Variants in PLEKHA6 observed in about 807,000 individuals in gnomAD.
PLEKHA6 encodes pleckstrin homology domain-containing family A member 6.
PLEKHA6 carries 60 observed loss-of-function variants against 116.7 expected under a neutral mutation model. That is an observed-to-expected ratio of 0.51 (90% CI 0.42 to 0.64). The LOEUF is 0.64. Ranked by LOEUF, PLEKHA6 falls within the 30% of genes least tolerant of loss-of-function variation. PLEKHA6 has a pLI of 0.00. For synonymous variants in PLEKHA6, 489 were observed against 556.1 expected (o/e 0.88, Z 1.70); for missense variants, 1,338 against 1,422.7 (o/e 0.94, Z 0.96).
chr1:204,257,532 G>A lies in PLEKHA6; in HGVS notation c.1345C>T (p.Leu449=). The A allele has an allele frequency of 6.3e-7, 1 of 1,594,200 alleles. No individual in the cohort carries two copies. The highest frequency in any genetic ancestry group is 2.3e-5 in the East Asian group (1 of 44,160). The change falls in exon 9 of 23, where the codon CTG becomes TTG. Residue 449 remains leucine, a synonymous_variant. Coordinates refer to ENST00000272203, the MANE Select transcript of PLEKHA6 (RefSeq NM_014935.5). This position sits in a 1 kb window ranked among gnomAD's most constrained non-coding sequence, Gnocchi z 6.5. ...AASSSLRRLS[L]QPRSHSVPRS... The stretch of plus-strand genomic sequence containing the variant: ...GGCACAGAGTGGGAGCGGGGCTGCA[G>A]GGACAGGCGGCGCAGGGAGCTAGAG...
In PLEKHA6 at chr1:204,220,541, T is replaced by C. The variant is rs963723931; in HGVS notation, c.*2247A>G. Reference sequence around the variant, plus strand: ...ATTCAGACATTGCACAATTTGAAAATAGATTTGCTTTTTTTAAACAAAAGC... The same window carrying C: ...ATTCAGACATTGCACAATTTGAAAACAGATTTGCTTTTTTTAAACAAAAGC... On this transcript the variant is annotated 3_prime_UTR_variant, in exon 23 of 23. Transcript: ENST00000272203. The C allele has an allele frequency of 6.6e-6, 1 of 152,514 alleles. No homozygotes were observed. 9.4% of individuals were successfully genotyped at this position (152,514 alleles called of 1,614,324 possible). A position where few individuals can be genotyped will look rare whatever the true frequency, so the allele number is the denominator to read the frequency against.
Position 204,273,662 on chromosome 1 carries a change from C to G in PLEKHA6, c.66G>C (p.Met22Ile). 1 of 1,614,190 alleles carries G rather than the reference C, an allele frequency of 6.2e-7. No homozygotes were observed. The highest frequency in any genetic ancestry group is 1.1e-5 in the South Asian group (1 of 91,082). ...GCCGCTCTGGAGGGACCTCGGACAC[C>G]ATGTTGTGGTTGGGTATGTCACTGT... ...TTNSDIPNHN[M>I]VSEVPPERPS... The change falls in exon 3 of 23, where the codon ATG (methionine) becomes ATC (isoleucine). Residue 22 changes from methionine to isoleucine, a missense_variant. This residue lies in a region of PLEKHA6 where 62 missense variants were observed against 61.7 expected (regional missense o/e 1.01). Coordinates refer to ENST00000272203, the MANE Select transcript of PLEKHA6 (RefSeq NM_014935.5).
At chr1:204,360,899 A>C (rs928940925), upstream of PLEKHA6, among the ~76,000 whole-genome samples, 3 of 152,226 alleles carry the variant, frequency 2.0e-5, no homozygotes, top group Non-Finnish European at 4.4e-5. Flanking sequence ...TTTCTGCCTC[A>C]GTTTCCCTTT....
At chr1:204,325,000 C>T (rs1270977076) in intron 1 of PLEKHA6, among the ~76,000 whole-genome samples, 1 of 152,158 alleles carries the variant, frequency 6.6e-6, no homozygotes, top group Non-Finnish European at 1.5e-5. Context: ...TCACTGCAAG[C>T]TCCACCTCCC....
chr1:204,266,218 G>C (rs963247465), intron 5 of PLEKHA6, among the ~76,000 whole-genome samples: 1 of 152,150 alleles, frequency 6.6e-6, no homozygotes, highest in Non-Finnish European at 1.5e-5. Flanking sequence ...GAGGCACTTG[G>C]GGTTGGACCC....
rs750131411 is a variant in PLEKHA6, at chr1:204,257,661, G to C, written c.1216C>G (p.Leu406Val). 4 of 1,610,246 alleles carry C rather than the reference G, an allele frequency of 2.5e-6. No individual in the cohort carries two copies. In the South Asian group the frequency reaches 4.4e-5, roughly 18 times the overall value. Reference sequence around the variant, plus strand: ...CTGGCGGGCTCCTTCCACTCTCGCAGCTGGTAGGCAGGGCCACCCCCATTG... The same window carrying C: ...CTGGCGGGCTCCTTCCACTCTCGCACCTGGTAGGCAGGGCCACCCCCATTG... ...FRNGGGPAYQ[L>V]REWKEPASYG... is the part of the protein sequence containing the mutation. Residue 406 changes from leucine to valine, a missense_variant, in exon 9 of 23, where the codon CTG (leucine) becomes GTG (valine). Physicochemically the swap from Leu to Val is conservative, Grantham distance 32. This residue lies in a region of PLEKHA6 where 1,136 missense variants were observed against 1,163.6 expected (regional missense o/e 0.98). Transcript: ENST00000272203. The surrounding 1 kb of genome is among the most constrained non-coding windows in gnomAD (Gnocchi z 6.5).
At position 204,230,417 on chromosome 1, in the gene PLEKHA6, T is replaced by A; in HGVS notation, c.2579A>T (p.Lys860Ile). 1 of 1,578,100 alleles carries A rather than the reference T, an allele frequency of 6.3e-7. No individual in the cohort carries two copies. Residue 860 changes from lysine to isoleucine, a missense_variant, in exon 18 of 23, where the codon AAA becomes ATA. Lys to Ile is a moderately radical substitution (Grantham distance 102, BLOSUM62 -3). Around this residue, in one of 3 missense-constraint regions of PLEKHA6, gnomAD observed 1,136 missense variants for 1,163.6 expected, o/e 0.98. Coordinates refer to ENST00000272203, the MANE Select transcript of PLEKHA6 (RefSeq NM_014935.5). ...GGGTAGCTGGGAAGGCATTACCACT[T>A]TGTAGGCTGGCCGGGGACTGGGGTC... ...APDPSPRPAY[K>I]VVRRHRSIHE...
intron 7 of PLEKHA6, among the ~76,000 whole-genome samples, chr1:204,260,743 G>A (rs1348000454): frequency 1.3e-5 from 2 of 152,214 alleles, no homozygotes; most frequent in African/African-American, 2.4e-5. Flanking sequence ...AGAGACAGAC[G>A]CTGAGACCGT....
At chr1:204,291,041 C>CAG (rs36036549) in intron 1 of PLEKHA6, among the ~76,000 whole-genome samples, 129,602 of 150,028 alleles carry the variant, frequency 0.86, 57,878 homozygotes, top group Non-Finnish European at 0.97. Flanking sequence ...AAGCCATAAA[C>CAG]AGAGAAAATA....
At chr1:204,241,633 C>A (rs1662833013) in intron 16 of PLEKHA6, 52 bp downstream of exon 16, 1 of 1,526,400 alleles carries the variant, frequency 6.6e-7, no homozygotes, top group Non-Finnish European at 8.8e-7. Flanking sequence ...ACCCAGGGCT[C>A]CTCCCTGAGC....
intron 1 of PLEKHA6, chr1:204,299,814 T>C (rs1251463529): frequency 5.9e-6 from 1 of 169,518 alleles, no homozygotes; most frequent in Non-Finnish European, 1.2e-5. Flanking sequence ...CTGGAGCAGA[T>C]GTTCTTTGTT....
At position 204,245,723 on chromosome 1, in the gene PLEKHA6, C is replaced by T; in HGVS notation, c.1924G>A (p.Glu642Lys). The change falls in exon 14 of 23, where the codon GAG becomes AAG. Residue 642 changes from glutamate (E) to lysine (K), a missense_variant. By Grantham distance (56) the Glu-to-Lys change is moderately conservative. Around this residue, in one of 3 missense-constraint regions of PLEKHA6, gnomAD observed 1,136 missense variants for 1,163.6 expected, o/e 0.98. Transcript: ENST00000272203. The stretch of plus-strand genomic sequence containing the variant: ...TTTTGGATTTGCCGGTTCAGCACCT[C>T]ATTCTGAAGCAGCCACACAGTGAGT... The part of the protein sequence containing the change: ...WEQLNLDTQN[E>K]VLNRQIQKEI... The T allele has an allele frequency of 6.2e-7, 1 of 1,604,064 alleles. No homozygotes were observed. The highest frequency in any genetic ancestry group is 1.1e-5 in the South Asian group (1 of 90,888).
chr1:204,296,157 A>G (rs1670257654), intron 1 of PLEKHA6, among the ~76,000 whole-genome samples: 1 of 152,112 alleles, frequency 6.6e-6, no homozygotes, highest in Admixed American at 6.5e-5. Context: ...AAAAGACTAT[A>G]GGTACAAATT....
At chr1:204,298,255 G>A (rs764756502) in intron 1 of PLEKHA6, among the ~76,000 whole-genome samples, 1 of 152,174 alleles carries the variant, frequency 6.6e-6, no homozygotes, top group South Asian at 2.1e-4. Flanking sequence ...TCTTCCTTGT[G>A]AGCCCCAGAT....
chr1:204,327,074 G>A (rs1268243468), intron 1 of PLEKHA6: 2 of 891,798 alleles, frequency 2.2e-6, no homozygotes, highest in Non-Finnish European at 2.7e-6. Context: ...TCCTCCTCCT[G>A]GGATAGAAAC....
chr1:204,314,407 G>C (rs555806817), intron 1 of PLEKHA6, among the ~76,000 whole-genome samples: 1 of 152,292 alleles, frequency 6.6e-6, no homozygotes, highest in South Asian at 2.1e-4. Context: ...GAAGTCTCTG[G>C]AATTTCATCT....
At chr1:204,342,805 C>T (rs1354540020) in intron 1 of PLEKHA6, among the ~76,000 whole-genome samples, 1 of 152,172 alleles carries the variant, frequency 6.6e-6, no homozygotes, top group Non-Finnish European at 1.5e-5. Flanking sequence ...AAGTGCTCAG[C>T]TCACCTGATA....
chr1:204,271,601 T>C (rs1667457753), intron 3 of PLEKHA6, among the ~76,000 whole-genome samples: 1 of 152,284 alleles, frequency 6.6e-6, no homozygotes, highest in Non-Finnish European at 1.5e-5. Context: ...TGGTAAACTA[T>C]GGTAAACTCC....
chr1:204,245,222 A>C (rs572807261), intron 14 of PLEKHA6, among the ~76,000 whole-genome samples: 111 of 152,192 alleles, frequency 7.3e-4, no homozygotes, highest in Non-Finnish European at 9.6e-4. Context: ...GGAAGACGGT[A>C]GATGGAACTG....
Sources: gnomAD v4.1 joint callset for allele counts (sites outside exome capture counted in the v4.1 genomes callset) on GRCh38, gnomAD v4.1.1 for gene constraint, gnomAD v4.1.1 regional missense constraint, Gnocchi (gnomAD v3.1) non-coding constraint, MANE v1.5 for transcripts, NCBI Gene and HGNC (gene_info 2026-07-23, HGNC 2026-07-21) for gene names.